The following NUSAP1 variants were observed in gnomAD, a reference collection of about 807,000 sequenced individuals.
NUSAP1 encodes the protein nucleolar and spindle associated protein 1, also known as nucleolar and spindle-associated protein 1.
A neutral mutation model predicts 52.8 loss-of-function variants in NUSAP1; 32 were observed. The observed-to-expected ratio is 0.61, with a 90% CI of 0.46 to 0.81. NUSAP1 has a LOEUF of 0.81. Among genes scored for constraint, NUSAP1 ranks in the 40% least tolerant of loss-of-function variants. NUSAP1 has a pLI of 0.00. For missense variants in NUSAP1, 499 were observed against 522.3 expected (o/e 0.96, Z 0.43); for synonymous variants, 195 against 183.1 (o/e 1.06, Z -0.52).
rs1249116149 is a variant in NUSAP1 at position 41,380,312 on chromosome 15, G to A, written c.*126G>A. ...TTTCTGCTAACTGTTCATAGTCTGT[G>A]TAGTGTCCATGGGTTCTTCATGTGC... On this transcript the variant is annotated 3_prime_UTR_variant, in exon 11 of 11. Transcript: ENST00000559596. 1 of 634,506 alleles carries A rather than the reference G, an allele frequency of 1.6e-6. No homozygotes were observed. The highest frequency in any genetic ancestry group is 1.9e-5 in the African/African-American group (1 of 53,860). The allele number at this position is 634,506 out of a possible 1,614,324, so 39.3% of individuals were successfully genotyped here. A position where few individuals can be genotyped will look rare whatever the true frequency, so the allele number is the denominator to read the frequency against.
Position 41,370,108 on chromosome 15 carries a change from G to A in NUSAP1, c.849-1419G>A, listed in dbSNP as rs376070619. Among the ~76,000 whole-genome samples, 7 of 147,524 alleles carry A rather than the reference G, an allele frequency of 4.7e-5. No homozygotes were observed. The East Asian group carries it at 6.3e-4, about 13-fold the overall frequency. ...AGAAAGAAAGACAAATCAGCCAGGC[G>A]CGGTGGCTCACGCCTGTAATCCCAG... On this transcript the variant is annotated intron_variant, in intron 7 of 10. Transcript: ENST00000559596.
chr15:41,356,116 A>G lies in NUSAP1; in HGVS notation c.526A>G (p.Lys176Glu). The part of the protein sequence containing the change: ...TDESSKPGKN[K>E]RTAITTPNFK... ...TGAGTCATCCAAACCTGGAAAAAAT[A>G]AAAGAACTGCAATCACTACTCCAAG... Residue 176 changes from lysine to glutamate, a missense_variant, in exon 5 of 11, where the codon AAA (lysine) becomes GAA (glutamate). Transcript: ENST00000559596. 6.2e-7 allele frequency: 1 copy of G among 1,603,944 alleles called. No homozygotes were observed. Among genetic ancestry groups the G allele is most frequent in the Non-Finnish European group, 8.5e-7 (1 of 1,174,360 alleles).
Position 41,377,195 on chromosome 15 carries a change from G to A in NUSAP1, c.1124-1G>A. 1 of 1,446,148 alleles carries A rather than the reference G, an allele frequency of 6.9e-7. No homozygotes were observed. The highest frequency in any genetic ancestry group is 1.4e-5 in the African/African-American group (1 of 69,576). The allele number at this position is 1,446,148 out of a possible 1,614,324, so 89.6% of individuals were successfully genotyped here. ...AATTCTTTGTCTCTGTCCTAAACTA[G>A]GAAAGCTAAAACCATGGGGGCAATC... On this transcript the variant is annotated splice_acceptor_variant, in intron 9 of 10. Transcript: ENST00000559596. LOFTEE classifies it high-confidence loss of function.
At chr15:41,361,168 CG>C (rs1595573578) in intron 6 of NUSAP1, among the ~76,000 whole-genome samples, 1 of 151,136 alleles carries the variant, frequency 6.6e-6, no homozygotes, top group East Asian at 2.0e-4. Context: ...CTGAGGCAGG[CG>C]GATCACCTGA....
intron 2 of NUSAP1, among the ~76,000 whole-genome samples, chr15:41,345,325 G>C (rs952409949): frequency 6.6e-6 from 1 of 151,880 alleles, no homozygotes; most frequent in African/African-American, 2.4e-5. Context: ...GTGACTATCA[G>C]GGAGTTGGAA....
chr15:41,361,561 A>C (rs994847792), intron 6 of NUSAP1, among the ~76,000 whole-genome samples: 8 of 152,142 alleles, frequency 5.3e-5, no homozygotes, highest in Admixed American at 3.3e-4. Context: ...TCTCTAAAGA[A>C]AAAAAAAGAG....
chr15:41,334,049 C>CTG (rs1310731499), intron 1 of NUSAP1, among the ~76,000 whole-genome samples: 1 of 152,232 alleles, frequency 6.6e-6, no homozygotes, highest in Admixed American at 6.5e-5. Flanking sequence ...GAGGTTTCTC[C>CTG]TGCAGGCTGT....
intron 1 of NUSAP1, 26 bp downstream of exon 1, chr15:41,333,076 T>C: frequency 6.3e-7 from 1 of 1,578,316 alleles, no homozygotes; most frequent in East Asian, 2.3e-5. Context: ...TGCGGGTCCC[T>C]GGGCGGGCGC....
chr15:41,335,714 C>T (rs957604389), intron 1 of NUSAP1, among the ~76,000 whole-genome samples: 21 of 140,686 alleles, frequency 1.5e-4, no homozygotes, highest in African/African-American at 5.5e-4. Flanking sequence ...TATAAATATA[C>T]TAAATATACT....
At chr15:41,349,048 C>T (rs771591443) in intron 2 of NUSAP1, 50 bp from the exon 3 acceptor site, 74 of 1,548,766 alleles carry the variant, frequency 4.8e-5, no homozygotes, top group Non-Finnish European at 6.4e-5. Flanking sequence ...TCTTCCTGAG[C>T]ATTATAACTG....
At chr15:41,338,170 A>G (rs1415396950) in intron 1 of NUSAP1, among the ~76,000 whole-genome samples, 1 of 151,732 alleles carries the variant, frequency 6.6e-6, no homozygotes, top group Non-Finnish European at 1.5e-5. Flanking sequence ...CCTGACCTCA[A>G]GTGATCCACC....
chr15:41,337,423 T>C (rs1180859185), intron 1 of NUSAP1, among the ~76,000 whole-genome samples: 1 of 152,154 alleles, frequency 6.6e-6, no homozygotes, highest in Non-Finnish European at 1.5e-5. Flanking sequence ...CTGGGCCCTC[T>C]TGCTTCCCCT....
At chr15:41,339,608 C>T (rs1208622941) in intron 1 of NUSAP1, among the ~76,000 whole-genome samples, 4 of 151,678 alleles carry the variant, frequency 2.6e-5, no homozygotes, top group Non-Finnish European at 5.9e-5. Context: ...CAGGGTTTCT[C>T]CATATTGTTC....
intron 4 of NUSAP1, among the ~76,000 whole-genome samples, chr15:41,352,172 G>C (rs1341134544): frequency 6.6e-6 from 1 of 151,926 alleles, no homozygotes; most frequent in Non-Finnish European, 1.5e-5. Flanking sequence ...TCGAACTCCT[G>C]ACCTCGTGAT....
chr15:41,349,207 G>C lies in NUSAP1; in HGVS notation c.272G>C (p.Arg91Thr). Reference sequence around the variant, plus strand: ...GGCCATGTCACCAAAACAAGGAGAAGGTGCAAGACTGTCCGTGTGGACCCT... The same window carrying C: ...GGCCATGTCACCAAAACAAGGAGAACGTGCAAGACTGTCCGTGTGGACCCT... ...PLGHVTKTRR[R>T]CKTVRVDPDS... is the part of the protein sequence containing the mutation. The change falls in exon 3 of 11, where the codon AGG becomes ACG. Residue 91 changes from arginine (R) to threonine (T), a missense_variant. Transcript: ENST00000559596. 6.2e-7 allele frequency: 1 copy of C among 1,613,936 alleles called. No homozygotes were observed. The highest frequency in any genetic ancestry group is 8.5e-7 in the Non-Finnish European group (1 of 1,179,854).
chr15:41,354,179 C>T (rs529806244), intron 4 of NUSAP1, among the ~76,000 whole-genome samples: 1 of 152,226 alleles, frequency 6.6e-6, no homozygotes, highest in East Asian at 1.9e-4. Context: ...ATTTTGAGGC[C>T]AGCTGGGCAA....
At chr15:41,374,419 C>T (rs2049834186) in intron 8 of NUSAP1, among the ~76,000 whole-genome samples, 1 of 152,088 alleles carries the variant, frequency 6.6e-6, no homozygotes, top group Non-Finnish European at 1.5e-5. Flanking sequence ...GCCCTGAATC[C>T]CATTCATGAC....
chr15:41,357,496 T>G (rs2049016486), intron 5 of NUSAP1, among the ~76,000 whole-genome samples: 1 of 150,908 alleles, frequency 6.6e-6, no homozygotes, highest in African/African-American at 2.4e-5. Flanking sequence ...CAGGCTGGAG[T>G]GCAATGGCGC....
At chr15:41,367,601 T>C (rs1329101337) in intron 7 of NUSAP1, among the ~76,000 whole-genome samples, 1 of 151,938 alleles carries the variant, frequency 6.6e-6, no homozygotes, top group East Asian at 1.9e-4. Flanking sequence ...GTGCTCCTAA[T>C]CCAGGGCAGT....
Sources: allele counts gnomAD v4.1 joint callset (sites outside exome capture counted in the v4.1 genomes callset), GRCh38; gene constraint gnomAD v4.1.1; transcripts MANE v1.5; gene names NCBI Gene and HGNC (gene_info 2026-07-23, HGNC 2026-07-21).